TMEM74: variants seen among roughly 807,000 people sequenced by gnomAD.
TMEM74 encodes transmembrane protein 74.
A neutral mutation model predicts 18.1 loss-of-function variants in TMEM74; 13 were observed. The observed-to-expected ratio is 0.72, with a 90% CI of 0.47 to 1.14. The LOEUF (loss-of-function observed/expected upper bound fraction) is 1.14, where lower values mean the gene tolerates loss of function less well. Among genes scored for constraint, TMEM74 ranks in the 50% most tolerant of loss-of-function variants. The pLI is 0.00. For synonymous variants in TMEM74, 159 were observed against 146.6 expected (o/e 1.08, Z -0.61); for missense variants, 372 against 375.9 (o/e 0.99, Z 0.09).
intron 1 of TMEM74, among the ~76,000 whole-genome samples, chr8:108,690,920 T>C (rs1442274278): frequency 6.6e-6 from 1 of 152,200 alleles, no homozygotes; most frequent in Non-Finnish European, 1.5e-5. Context: ...GACTTCTTTT[T>C]GCAAGGATAG....
intron 1 of TMEM74, among the ~76,000 whole-genome samples, chr8:108,675,206 T>A (rs1042544801): frequency 6.6e-6 from 1 of 152,174 alleles, no homozygotes; most frequent in Non-Finnish European, 1.5e-5. Context: ...TACCTTTTGT[T>A]TATGGTGTCA....
chr8:108,734,042 G>A (rs1384100359), intron 1 of TMEM74, among the ~76,000 whole-genome samples: 2 of 152,176 alleles, frequency 1.3e-5, no homozygotes, highest in Non-Finnish European at 2.9e-5. Context: ...ATTATTTCTG[G>A]GTGTGTCTGT....
At chr8:108,658,632 G>A (rs117576520) in intron 1 of TMEM74, among the ~76,000 whole-genome samples, 2,473 of 152,296 alleles carry the variant, frequency 0.016, 21 homozygotes, top group Non-Finnish European at 0.025. Context: ...TCCTGAATGT[G>A]AGAAAGGCAG....
chr8:108,701,150 T>C (rs1813331148), intron 1 of TMEM74, among the ~76,000 whole-genome samples: 1 of 143,386 alleles, frequency 7.0e-6, no homozygotes, highest in East Asian at 2.2e-4. Flanking sequence ...GTAATCACAA[T>C]AAATGCAGAA....
In TMEM74 at chr8:108,781,878, T is replaced by C. The variant is rs1198123105; in HGVS notation, c.*2303A>G. On this transcript the variant is annotated 3_prime_UTR_variant, in exon 2 of 2. Transcript: ENST00000297459. ...GCAAGATTCATTAAATGCTTCCACATGAAAAGCTTTATTATCAAGTGAAAA... is the reference window on the plus strand; with the variant it reads ...GCAAGATTCATTAAATGCTTCCACACGAAAAGCTTTATTATCAAGTGAAAA... 6.6e-6 allele frequency among the ~76,000 whole-genome samples: 1 copy of C among 152,192 alleles called. No homozygotes were observed. The highest frequency in any genetic ancestry group is 1.5e-5 in the Non-Finnish European group (1 of 68,024).
chr8:108,630,871 T>C (rs1381441512), intron 2 of TMEM74, among the ~76,000 whole-genome samples: 1 of 151,816 alleles, frequency 6.6e-6, no homozygotes, highest in Admixed American at 6.6e-5. Context: ...CCACATCAGT[T>C]CCATGTCACA....
At position 108,614,773 on chromosome 8, in the gene TMEM74, CA is replaced by C. The variant is rs1812367482; in HGVS notation, n.265-5948del. On this transcript the variant is annotated intron_variant and non_coding_transcript_variant, in intron 2 of 3. Transcript: ENST00000518838. ...GGCATTGAGTGTTACATTTACTTCA[CA>C]GGAATATTAAAGCATGTGATTCATA... 2.6e-5 allele frequency among the ~76,000 whole-genome samples: 4 copies of C among 152,050 alleles called. No homozygotes were observed. In the East Asian group the frequency reaches 7.7e-4, roughly 29 times the overall value.
chr8:108,625,214 A>C (rs574661544), intron 2 of TMEM74, among the ~76,000 whole-genome samples: 2 of 152,050 alleles, frequency 1.3e-5, no homozygotes, highest in Non-Finnish European at 2.9e-5. Context: ...GAACACACAG[A>C]TTTTAAACTG....
chr8:108,722,370 C>T (rs6469199), intron 1 of TMEM74, among the ~76,000 whole-genome samples: 9,445 of 152,178 alleles, frequency 0.062, 840 homozygotes, highest in African/African-American at 0.2. Context: ...TACAAGTGAC[C>T]TTCCTGTTGC....
At chr8:108,774,098 G>T (rs934867268), downstream of TMEM74, among the ~76,000 whole-genome samples, 1 of 152,312 alleles carries the variant, frequency 6.6e-6, no homozygotes, top group Middle Eastern at 3.4e-3. Context: ...GAACTAGAGG[G>T]AGATTTTGAT....
At chr8:108,704,905 T>C (rs1813382347) in intron 1 of TMEM74, among the ~76,000 whole-genome samples, 1 of 152,224 alleles carries the variant, frequency 6.6e-6, no homozygotes, top group Non-Finnish European at 1.5e-5. Context: ...TGTTCCATGC[T>C]TTAACCCTTG....
chr8:108,662,864 C>T (rs1812913901), intron 1 of TMEM74, among the ~76,000 whole-genome samples: 1 of 152,050 alleles, frequency 6.6e-6, no homozygotes, highest in African/African-American at 2.4e-5. Flanking sequence ...TTCTGTGTTC[C>T]CACAGTACTC....
chr8:108,779,498 A>G lies in TMEM74; in HGVS notation c.*4683T>C, dbSNP rs2129658673. On this transcript the variant is annotated 3_prime_UTR_variant, in exon 2 of 2. Coordinates refer to ENST00000297459, the MANE Select transcript of TMEM74 (RefSeq NM_153015.3). ...CGGTAAAATAATTTCCAAATATCTC[A>G]CACTCTCATGAGCCTGAAATTGAGA... Among the ~76,000 whole-genome samples, 1 of 152,224 alleles carries G rather than the reference A, an allele frequency of 6.6e-6. No individual in the cohort carries two copies. The highest frequency in any genetic ancestry group is 2.4e-5 in the African/African-American group (1 of 41,550).
At chr8:108,699,183 T>TCCTTCCTTTCTTCCTC (rs1316107934) in intron 1 of TMEM74, among the ~76,000 whole-genome samples, 88 of 70,474 alleles carry the variant, frequency 1.2e-3, no homozygotes, top group Middle Eastern at 6.9e-3. Context: ...CTTCCTTCCT[T>TCCTTCCTTTCTTCCTC]CCTCCCTCCC....
chr8:108,625,004 A>C (rs1404173536), intron 2 of TMEM74, among the ~76,000 whole-genome samples: 1 of 152,062 alleles, frequency 6.6e-6, no homozygotes, highest in Non-Finnish European at 1.5e-5. Flanking sequence ...ATATTTGAAA[A>C]CATTTAGATT....
intron 1 of TMEM74, among the ~76,000 whole-genome samples, chr8:108,731,531 C>T (rs926352183): frequency 3.9e-5 from 6 of 152,010 alleles, no homozygotes; most frequent in Admixed American, 2.0e-4. Flanking sequence ...AAATTTCTTC[C>T]GTAGGACACA....
intron 1 of TMEM74, among the ~76,000 whole-genome samples, chr8:108,657,857 AAAATATATATATATATATATAT>A (rs1369683831): frequency 4.8e-5 from 3 of 62,284 alleles, no homozygotes; most frequent in Non-Finnish European, 8.4e-5. Context: ...AAAAAAAAAA[AAAATATATATATATATATATAT>A]ATATATATAT....
At chr8:108,748,409 GT>G (rs1166605876) in intron 1 of TMEM74, among the ~76,000 whole-genome samples, 1 of 151,978 alleles carries the variant, frequency 6.6e-6, no homozygotes, top group Admixed American at 6.6e-5. Context: ...TTTAAATGGG[GT>G]TGTTGTTTTT....
In TMEM74 at chr8:108,784,402, T is replaced by C; in HGVS notation, c.697A>G (p.Ile233Val). 1 of 1,614,080 alleles carries C rather than the reference T, an allele frequency of 6.2e-7. No homozygotes were observed. The highest frequency in any genetic ancestry group is 8.5e-7 in the Non-Finnish European group (1 of 1,180,010). Reference sequence around the variant, plus strand: ...AGCGTGAGGAGGCAGAGCCCCGCAATCACACAGCGGTCCAGGTGAGCCCCC... The same window carrying C: ...AGCGTGAGGAGGCAGAGCCCCGCAACCACACAGCGGTCCAGGTGAGCCCCC... ...RLGAHLDRCV[I>V]AGLCLLTLGG... is the part of the protein sequence containing the mutation. The change falls in exon 2 of 2, where the codon ATT (isoleucine) becomes GTT (valine). Residue 233 changes from isoleucine (I) to valine (V), a missense_variant. Ile to Val is a conservative substitution (Grantham distance 29, BLOSUM62 3). Coordinates refer to ENST00000297459, the MANE Select transcript of TMEM74 (RefSeq NM_153015.3).
Sources: gnomAD v4.1 joint callset for allele counts (sites outside exome capture counted in the v4.1 genomes callset) on GRCh38, gnomAD v4.1.1 for gene constraint, MANE v1.5 for transcripts, NCBI Gene and HGNC (gene_info 2026-07-23, HGNC 2026-07-21) for gene names.